The following C7 variants were observed in gnomAD, a reference collection of about 807,000 sequenced individuals.
C7 encodes complement C7, also known as complement component C7.
A neutral mutation model predicts 104.8 loss-of-function variants in C7; 83 were observed. The observed-to-expected ratio is 0.79, with a 90% CI of 0.66 to 0.95. The LOEUF (loss-of-function observed/expected upper bound fraction) is 0.95, where lower values mean the gene tolerates loss of function less well. Ranked by LOEUF, C7 falls within the 40% of genes least tolerant of loss-of-function variation. C7 has a pLI of 0.00. For missense variants in C7, 1,070 were observed against 1,011.2 expected (o/e 1.06, Z -0.79); for synonymous variants, 415 against 360.6 (o/e 1.15, Z -1.71).
At position 40,918,322 on chromosome 5, in the gene C7, C is replaced by T. The variant is rs571560454; in HGVS notation, c.6+8706C>T. Among the ~76,000 whole-genome samples the T allele has an allele frequency of 5.0e-4, 76 of 151,374 alleles. 1 individual carries two copies. The South Asian group carries it at 0.011, about 22-fold the overall frequency. On this transcript the variant is annotated intron_variant, in intron 1 of 17. Coordinates refer to ENST00000313164, the MANE Select transcript of C7 (RefSeq NM_000587.4). The stretch of plus-strand genomic sequence containing the variant: ...GTGCAGTGAGCTGTGATCACACTAC[C>T]GCACTCCAGCCTGGGCAAGAGAGGC...
At chr5:40,927,832 C>T (rs1739590061) in intron 1 of C7, among the ~76,000 whole-genome samples, 1 of 152,100 alleles carries the variant, frequency 6.6e-6, no homozygotes, top group Admixed American at 6.5e-5. Flanking sequence ...AATCCCTGTA[C>T]ACTTGTACAC....
rs1043245161 is a variant in C7, at chr5:40,937,396, T to G, written c.429-156T>G. The stretch of plus-strand genomic sequence containing the variant: ...TAATGTATGGTGTGTATTAGGATGC[T>G]GTGCTCTTCATTTGAACTCTCTCAA... On this transcript the variant is annotated intron_variant, in intron 5 of 17. Coordinates refer to ENST00000313164, the MANE Select transcript of C7 (RefSeq NM_000587.4). The G allele has an allele frequency of 6.6e-6, 4 of 608,834 alleles. No homozygotes were observed. In the Admixed American group the frequency reaches 9.9e-5, roughly 15 times the overall value. The allele number at this position is 608,834 out of a possible 1,614,324, so 37.7% of individuals were successfully genotyped here.
chr5:40,972,200 G>T lies in C7; in HGVS notation c.1883-203G>T, dbSNP rs915675441. ...GGGGTGGGAGAGGGGGAGCTGTTTT[G>T]GTTTTTAGATATTCATGGGTCAATT... On this transcript the variant is annotated intron_variant, in intron 14 of 17. Coordinates refer to ENST00000313164, the MANE Select transcript of C7 (RefSeq NM_000587.4). The T allele has an allele frequency of 1.2e-4, 72 of 596,436 alleles. No individual in the cohort carries two copies. The East Asian group carries it at 2.0e-3, about 16-fold the overall frequency. The allele number at this position is 596,436 out of a possible 1,614,324, so 36.9% of individuals were successfully genotyped here. A position where few individuals can be genotyped will look rare whatever the true frequency, so the allele number is the denominator to read the frequency against.
chr5:40,942,867 C>T (rs575521008), intron 6 of C7, among the ~76,000 whole-genome samples: 33 of 151,630 alleles, frequency 2.2e-4, no homozygotes, highest in Non-Finnish European at 4.3e-4. Flanking sequence ...TGGGTTCAAG[C>T]GATTCTCCTG....
intron 10 of C7, among the ~76,000 whole-genome samples, 189 bp from the exon 11 acceptor site, chr5:40,957,844 C>T (rs1053292095): frequency 1.1e-4 from 17 of 151,700 alleles, no homozygotes; most frequent in African/African-American, 4.1e-4. Context: ...CCTAATTTTC[C>T]CTAAGTTTGT....
rs118138357 is a variant in C7, at chr5:40,957,070, A to G, written c.1261-963A>G. Among the ~76,000 whole-genome samples the G allele has an allele frequency of 3.0e-4, 45 of 152,356 alleles. No individual in the cohort carries two copies. In the East Asian group the frequency reaches 8.5e-3, roughly 29 times the overall value. On this transcript the variant is annotated intron_variant, in intron 10 of 17. Transcript: ENST00000313164. ...TACAGGTACATGACTATGCAAAGCC[A>G]TCGTGTTCGCAACAGCTTGGGCTCT...
intron 6 of C7, among the ~76,000 whole-genome samples, 169 bp downstream of exon 6, chr5:40,937,859 G>A (rs529679774): frequency 6.6e-6 from 1 of 152,170 alleles, no homozygotes; most frequent in South Asian, 2.1e-4. Context: ...TTGCTTTGGG[G>A]TACAGGGCAA....
intron 3 of C7, among the ~76,000 whole-genome samples, chr5:40,932,143 T>G (rs976611982): frequency 1.3e-5 from 2 of 152,204 alleles, no homozygotes; most frequent in Non-Finnish European, 2.9e-5. Flanking sequence ...CTGTGTGTGC[T>G]TATAATTAAA....
chr5:40,959,537 A>G lies in C7; in HGVS notation c.1578A>G (p.Pro526=), dbSNP rs746682205. The change falls in exon 12 of 18, where the codon CCA becomes CCG. Residue 526 remains proline (P), a synonymous_variant. Coordinates refer to ENST00000313164, the MANE Select transcript of C7 (RefSeq NM_000587.4). ...CAAGAAGCCGTGAATGCAATAACCC[A>G]CCTCCCAGTGGGGGTGGGAGATCCT... ...KKTRSRECNN[P]PPSGGGRSCV... The G allele has an allele frequency of 2.5e-6, 4 of 1,610,472 alleles. No individual in the cohort carries two copies. Among genetic ancestry groups the G allele is most frequent in the Non-Finnish European group, 3.4e-6 (4 of 1,178,958 alleles).
At chr5:40,953,115 ACTGTAT>A (rs1203468375) in intron 9 of C7, among the ~76,000 whole-genome samples, 1 of 152,108 alleles carries the variant, frequency 6.6e-6, no homozygotes, top group Non-Finnish European at 1.5e-5. Context: ...AAAAAGTGTT[ACTGTAT>A]ATATTGAAAA....
At chr5:40,916,439 T>C (rs537320174) in intron 1 of C7, among the ~76,000 whole-genome samples, 1 of 152,326 alleles carries the variant, frequency 6.6e-6, no homozygotes, top group South Asian at 2.1e-4. Context: ...CTTAGGAAGC[T>C]TGGTTTCTTT....
rs1740720085 is a variant in C7 at position 40,972,436 on chromosome 5, G to A, written c.1916G>A (p.Gly639Asp). The A allele has an allele frequency of 1.2e-6, 2 of 1,613,784 alleles. No homozygotes were observed. Among genetic ancestry groups the A allele is most frequent in the Admixed American group, 1.7e-5 (1 of 59,998 alleles). The change falls in exon 15 of 18, where the codon GGC becomes GAC. Residue 639 changes from glycine (G) to aspartate (D), a missense_variant. By Grantham distance (94) the Gly-to-Asp change is moderately conservative. Transcript: ENST00000313164. The stretch of plus-strand genomic sequence containing the variant: ...TGTGTTCTACCTGTACTGATGGATG[G>A]CATACAGAGTCACCCCCAAAAACCT... ...IACVLPVLMD[G>D]IQSHPQKPFY...
intron 12 of C7, 36 bp downstream of exon 12, chr5:40,959,656 A>G (rs368542231): frequency 1.5e-5 from 22 of 1,483,666 alleles, no homozygotes; most frequent in Non-Finnish European, 1.9e-5. Flanking sequence ...GTTGCATAGA[A>G]CACAGTACCC....
rs1290346378 is a variant in C7 at position 40,936,196 on chromosome 5, G to A, written c.281-142G>A. On this transcript the variant is annotated intron_variant, in intron 4 of 17. Transcript: ENST00000313164. ...GACAAAATACTCACTAGTCCTTTCC[G>A]AGACACTCTGAGGATTTATCTCCCA... is the stretch of plus-strand genomic sequence containing the variant. The A allele has an allele frequency of 3.1e-5, 20 of 638,646 alleles. No individual in the cohort carries two copies. The Admixed American group carries it at 3.3e-4, about 11-fold the overall frequency. The allele number at this position is 638,646 out of a possible 1,614,324, so 39.6% of individuals were successfully genotyped here. A position where few individuals can be genotyped will look rare whatever the true frequency, so the allele number is the denominator to read the frequency against.
At position 40,931,123 on chromosome 5, in the gene C7, G is replaced by T. The variant is rs184410935; in HGVS notation, c.122G>T (p.Gly41Val). 1 of 1,613,070 alleles carries T rather than the reference G, an allele frequency of 6.2e-7. No individual in the cohort carries two copies. The highest frequency in any genetic ancestry group is 1.3e-5 in the African/African-American group (1 of 75,012). The change falls in exon 3 of 18, where the codon GGC becomes GTC. Residue 41 changes from glycine to valine, a missense_variant. Transcript: ENST00000313164. ...DFYAPWSECN[G>V]CTKTQTRRRS... Reference sequence around the variant, plus strand: ...TATGCCCCTTGGTCAGAATGCAATGGCTGTACCAAGACTCAGGTAGGACCA... The same window carrying T: ...TATGCCCCTTGGTCAGAATGCAATGTCTGTACCAAGACTCAGGTAGGACCA...
At chr5:40,971,317 T>C (rs1261063338) in intron 14 of C7, among the ~76,000 whole-genome samples, 1 of 152,234 alleles carries the variant, frequency 6.6e-6, no homozygotes, top group African/African-American at 2.4e-5. Flanking sequence ...GGTTTTGATT[T>C]GCATTTCTCT....
intron 1 of C7, among the ~76,000 whole-genome samples, chr5:40,921,382 C>G (rs1027696179): frequency 6.6e-6 from 1 of 151,936 alleles, no homozygotes; most frequent in South Asian, 2.1e-4. Context: ...TCTATACTCC[C>G]CAAAGTGATC....
chr5:40,938,800 G>A (rs757496498), intron 6 of C7, among the ~76,000 whole-genome samples: 16 of 152,092 alleles, frequency 1.1e-4, no homozygotes, highest in African/African-American at 3.4e-4. Flanking sequence ...AACACAATAC[G>A]TACTCATGCA....
In C7 at chr5:40,955,403, A is replaced by T. The variant is rs908586748; in HGVS notation, c.1110A>T (p.Val370=). The T allele has an allele frequency of 4.3e-6, 7 of 1,609,384 alleles. No individual in the cohort carries two copies. In the Admixed American group the frequency reaches 5.1e-5, roughly 12 times the overall value. ...TCTGTATAGGAACCCAGAACAATGT[A>T]TTGCGAGGAGAACCGTTCATCAGAG... ...LKAASGTQNN[V]LRGEPFIRGG... is the part of the protein sequence containing the mutation. The change falls in exon 10 of 18, where the codon GTA becomes GTT. Residue 370 remains valine, a synonymous_variant. Transcript: ENST00000313164.
Sources: gnomAD v4.1 joint callset for allele counts (sites outside exome capture counted in the v4.1 genomes callset) on GRCh38, gnomAD v4.1.1 for gene constraint, MANE v1.5 for transcripts, NCBI Gene and HGNC (gene_info 2026-07-23, HGNC 2026-07-21) for gene names.